Variants in CRY2 observed in about 807,000 individuals in gnomAD.
CRY2 encodes cryptochrome-2.
Under a neutral mutation model 69.5 loss-of-function variants are expected in CRY2, and 31 were observed. That is an observed-to-expected ratio of 0.45 (90% confidence interval 0.34 to 0.60). The LOEUF is 0.60. CRY2 is among the 20% of genes least tolerant of loss of function. CRY2 has a pLI of 0.02. For synonymous variants in CRY2, 303 were observed against 312.2 expected, an observed-to-expected ratio of 0.97 and a Z score of 0.31; for missense variants, 606 against 797.8, an observed-to-expected ratio of 0.76 and a Z score of 2.90.
intron 10 of CRY2, 55 bp downstream of exon 10, chr11:45,870,989 A>C: frequency 6.8e-7 from 1 of 1,470,086 alleles, no homozygotes; most frequent in Non-Finnish European, 9.3e-7. Flanking sequence ...CCACCACTTC[A>C]GTCATTCAGG....
At position 45,855,272 on chromosome 11, in the gene CRY2, G is replaced by C. The variant is rs147235790; in HGVS notation, c.216-710G>C. 3.9e-3 allele frequency among the ~76,000 whole-genome samples: 590 copies of C among 152,118 alleles called. 2 individuals carry two copies. The highest frequency in any genetic ancestry group is 4.8e-3 in the Non-Finnish European group (326 of 68,002). On this transcript the variant is annotated intron_variant, in intron 1 of 11. Coordinates refer to ENST00000616080, the MANE Select transcript of CRY2 (RefSeq NM_021117.5). ...AGCCCTGGAGAGGCCTGGAGAGTGA[G>C]CCACCTGCCAAACAAAGCTCTGGGA...
At chr11:45,867,483 A>G in intron 5 of CRY2, 129 bp from the exon 6 acceptor site, 1 of 1,212,368 alleles carries the variant, frequency 8.2e-7, no homozygotes, top group Non-Finnish European at 1.2e-6. Flanking sequence ...CTGGACAAGC[A>G]CAGTGTTCCA....
Position 45,847,602 on chromosome 11 carries a change from C to G in CRY2, c.112C>G (p.Pro38Ala), listed in dbSNP as rs762777595. ...CAAAGGGCTGCGACTCCACGACAAC[C>G]CGGCGTTGCTGGCGGCCGTGCGCGG... is the stretch of plus-strand genomic sequence containing the variant. The part of the protein sequence containing the change: ...FRKGLRLHDN[P>A]ALLAAVRGAR... Residue 38 changes from proline (P) to alanine (A), a missense_variant, in exon 1 of 12, where the codon CCG becomes GCG. Coordinates refer to ENST00000616080, the MANE Select transcript of CRY2 (RefSeq NM_021117.5). 7 of 1,606,152 alleles carry G rather than the reference C, an allele frequency of 4.4e-6. No individual in the cohort carries two copies.
intron 5 of CRY2, among the ~76,000 whole-genome samples, chr11:45,864,728 C>T (rs2086315846): frequency 6.6e-6 from 1 of 152,084 alleles, no homozygotes; most frequent in Non-Finnish European, 1.5e-5. Context: ...ACTAGTTAGG[C>T]ATGGTGGCGA....
intron 6 of CRY2, among the ~76,000 whole-genome samples, chr11:45,868,433 A>G (rs1432870128): frequency 1.3e-5 from 2 of 152,206 alleles, no homozygotes; most frequent in African/African-American, 4.8e-5. Context: ...CTGAAACCTC[A>G]GACTCCTGGG....
intron 1 of CRY2, among the ~76,000 whole-genome samples, chr11:45,851,500 G>A (rs890109906): frequency 5.9e-5 from 9 of 152,144 alleles, no homozygotes; most frequent in African/African-American, 2.2e-4. Flanking sequence ...CTACTGGCAG[G>A]GAAACAGGAG....
chr11:45,875,692 G>C (rs1565064501), intron 11 of CRY2, among the ~76,000 whole-genome samples: 2 of 152,270 alleles, frequency 1.3e-5, no homozygotes, highest in African/African-American at 4.8e-5. Flanking sequence ...GGGTGGTGCA[G>C]ACTTCCCTCC....
chr11:45,862,176 T>A (rs374475186), intron 5 of CRY2, 28 bp downstream of exon 5: 29 of 1,596,050 alleles, frequency 1.8e-5, no homozygotes, highest in African/African-American at 1.7e-4. Context: ...GACACAGAGC[T>A]GCAGATACTG....
Position 45,870,868 on chromosome 11 carries a change from G to T in CRY2, c.1576G>T (p.Val526Leu). ...LCLLASVPSC[V>L]EDLSHPVAEP... is the part of the protein sequence containing the mutation. ...TCTACTGGCATCTGTCCCTTCCTGT[G>T]TGGAAGACCTCAGTCACCCTGTGGC... is the stretch of plus-strand genomic sequence containing the variant. The change falls in exon 10 of 12, where the codon GTG becomes TTG. Residue 526 changes from valine to leucine, a missense_variant. Transcript: ENST00000616080. The T allele has an allele frequency of 6.2e-7, 1 of 1,613,618 alleles. No individual in the cohort carries two copies. The highest frequency in any genetic ancestry group is 8.5e-7 in the Non-Finnish European group (1 of 1,180,010).
At chr11:45,847,241 C>G, upstream of CRY2, 1 of 1,551,252 alleles carries the variant, frequency 6.4e-7, no homozygotes. Context: ...GCCTGCGTCA[C>G]TTGTCCGCAT....
At chr11:45,861,302 A>G (rs1469397381) in intron 4 of CRY2, 2 of 404,688 alleles carry the variant, frequency 4.9e-6, no homozygotes, top group East Asian at 8.7e-5. Flanking sequence ...AACCTCTCGC[A>G]GACAATACAG....
rs892055644 is a variant in CRY2, at chr11:45,858,788, C to A, written c.382C>A (p.Arg128=). The change falls in exon 3 of 12, where the codon CGG becomes AGG. Residue 128 remains arginine (R), a synonymous_variant. Coordinates refer to ENST00000616080, the MANE Select transcript of CRY2 (RefSeq NM_021117.5). ...TGACTCTGAACCCTTTGGGAAAGAA[C>A]GGGATGCAGCCATCATGAAGATGGC... ...EYDSEPFGKE[R]DAAIMKMAKE... 1.9e-6 allele frequency: 3 copies of A among 1,614,004 alleles called. No individual in the cohort carries two copies. The African/African-American group carries it at 4.0e-5, about 22-fold the overall frequency.
rs139936457 is a variant in CRY2, at chr11:45,870,463, G to C, written c.1480G>C (p.Glu494Gln). ...CCCACGGCCCATCGTCAACCATGCC[G>C]AGACCAGCCGGCTTAACATTGAACG... ...DYPRPIVNHA[E>Q]TSRLNIERMK... Residue 494 changes from glutamate to glutamine, a missense_variant, in exon 9 of 12, where the codon GAG becomes CAG. Coordinates refer to ENST00000616080, the MANE Select transcript of CRY2 (RefSeq NM_021117.5). 4.5e-5 allele frequency: 72 copies of C among 1,614,106 alleles called. No individual in the cohort carries two copies. Among genetic ancestry groups the C allele is most frequent in the Non-Finnish European group, 5.8e-5 (69 of 1,180,058 alleles).
intron 2 of CRY2, among the ~76,000 whole-genome samples, chr11:45,857,218 A>G (rs1448996097): frequency 2.6e-5 from 4 of 152,204 alleles, no homozygotes; most frequent in African/African-American, 9.7e-5. Flanking sequence ...CTATGAGTCA[A>G]GCGCTGTTCC....
upstream of CRY2, chr11:45,847,423 G>A (rs1199696935): frequency 5.0e-6 from 8 of 1,591,808 alleles, no homozygotes; most frequent in Admixed American, 3.4e-5. Context: ...GTCACTGGGC[G>A]GGCTATGGGC....
intron 4 of CRY2, 53 bp from the exon 5 acceptor site, chr11:45,862,007 G>C: frequency 6.8e-7 from 1 of 1,467,700 alleles, no homozygotes; most frequent in Non-Finnish European, 9.5e-7. Context: ...GCCGTGCCGG[G>C]CTATCACTGA....
At chr11:45,852,904 C>A (rs2086208603) in intron 1 of CRY2, among the ~76,000 whole-genome samples, 1 of 152,204 alleles carries the variant, frequency 6.6e-6, no homozygotes. Flanking sequence ...GGGTGTTTCA[C>A]AGCCAATGCT....
At chr11:45,850,881 A>G (rs530487871) in intron 1 of CRY2, among the ~76,000 whole-genome samples, 1 of 152,326 alleles carries the variant, frequency 6.6e-6, no homozygotes, top group East Asian at 1.9e-4. Context: ...AGATTAAAAT[A>G]ACTATGAATG....
intron 1 of CRY2, among the ~76,000 whole-genome samples, chr11:45,849,605 C>A (rs1341198970): frequency 6.7e-6 from 1 of 149,814 alleles, no homozygotes; most frequent in African/African-American, 2.4e-5. Flanking sequence ...ATACCTGGGC[C>A]CCTTTCCCCC....
Sources: allele counts gnomAD v4.1 joint callset (sites outside exome capture counted in the v4.1 genomes callset), GRCh38; gene constraint gnomAD v4.1.1; transcripts MANE v1.5; gene names NCBI Gene and HGNC (gene_info 2026-07-23, HGNC 2026-07-21).